Variants in ATP2A1 observed in about 807,000 individuals in gnomAD.
ATP2A1 encodes ATPase sarcoplasmic/endoplasmic reticulum Ca2+ transporting 1.
Under a neutral mutation model 109.5 loss-of-function variants are expected in ATP2A1, and 83 were observed. The observed-to-expected ratio is 0.76, with a 90% CI of 0.63 to 0.91. The LOEUF (loss-of-function observed/expected upper bound fraction) is 0.91. ATP2A1 is among the 40% of genes least tolerant of loss of function. The pLI is 0.00. For missense variants in ATP2A1, 1,101 were observed against 1,341.0 expected, an observed-to-expected ratio of 0.82 and a Z score of 2.80; for synonymous variants, 505 against 537.6, an observed-to-expected ratio of 0.94 and a Z score of 0.84.
intron 9 of ATP2A1, among the ~76,000 whole-genome samples, chr16:28,891,148 T>G (rs1963760406): frequency 1.3e-5 from 2 of 150,550 alleles, no homozygotes; most frequent in South Asian, 4.2e-4. Context: ...ATACAAAAAT[T>G]AGTTGGGCGT....
Position 28,903,635 on chromosome 16 carries a change from C to T in ATP2A1, c.2981-65C>T, listed in dbSNP as rs1275354810. 1.5e-6 allele frequency: 2 copies of T among 1,339,852 alleles called. No individual in the cohort carries two copies. The highest frequency in any genetic ancestry group is 4.6e-5 in the East Asian group (2 of 43,652). The allele number at this position is 1,339,852 out of a possible 1,614,324, so 83.0% of individuals were successfully genotyped here. A position where few individuals can be genotyped will look rare whatever the true frequency, so the allele number is the denominator to read the frequency against. On this transcript the variant is annotated intron_variant, in intron 21 of 22. Coordinates refer to ENST00000395503, the MANE Select transcript of ATP2A1 (RefSeq NM_004320.6). This position sits in a 1 kb window ranked among gnomAD's most constrained non-coding sequence, Gnocchi z 5.6. ...CCCACTGCCTCCTCAGCCCCCACAG[C>T]CCCTATAGCCCCCATGCCACCTCCC... is the stretch of plus-strand genomic sequence containing the variant.
In ATP2A1 at chr16:28,897,297, C is replaced by A. The variant is rs1596680917; in HGVS notation, c.1420-703C>A. Among the ~76,000 whole-genome samples, 4 of 152,064 alleles carry A rather than the reference C, an allele frequency of 2.6e-5. No homozygotes were observed. In the South Asian group the frequency reaches 8.3e-4, roughly 32 times the overall value. Reference sequence around the variant, plus strand: ...GATTGCTTGAGGCCACGAGTGAGACCAGGCTGGACAACACAGGGAGACTCT... The same window carrying A: ...GATTGCTTGAGGCCACGAGTGAGACAAGGCTGGACAACACAGGGAGACTCT... On this transcript the variant is annotated intron_variant, in intron 12 of 22. Transcript: ENST00000395503.
At chr16:28,889,296 G>A (rs768113950) in intron 9 of ATP2A1, among the ~76,000 whole-genome samples, 7 of 151,820 alleles carry the variant, frequency 4.6e-5, no homozygotes, top group African/African-American at 1.5e-4. Flanking sequence ...TCACTCTGTC[G>A]CCCAGGCTGG....
In ATP2A1 at chr16:28,880,140, T is replaced by C; in HGVS notation, c.219+557T>C. The C allele has an allele frequency of 1.0e-6, 1 of 996,810 alleles. No individual in the cohort carries two copies. The highest frequency in any genetic ancestry group is 1.2e-6 in the Non-Finnish European group (1 of 838,714). 61.7% of individuals were successfully genotyped at this position (996,810 alleles called of 1,614,324 possible). A position where few individuals can be genotyped will look rare whatever the true frequency, so the allele number is the denominator to read the frequency against. On this transcript the variant is annotated intron_variant, in intron 3 of 22. Transcript: ENST00000395503. The surrounding 1 kb of genome is among the most constrained non-coding windows in gnomAD (Gnocchi z 4.2). ...CCCTCATTACCCGCCCAGCCTGGCC[T>C]TAGCCCTTCCCCGCGCTCCCTAGGC...
At position 28,900,468 on chromosome 16, in the gene ATP2A1, C is replaced by T. The variant is rs374626158; in HGVS notation, c.1765-113C>T. The stretch of plus-strand genomic sequence containing the variant: ...GCAAGCCCAGGGTTCAGGCTTCCCA[C>T]CCCTCCCCACCACTTCCTGACCTTT... On this transcript the variant is annotated intron_variant, in intron 14 of 22. Transcript: ENST00000395503. 9.6e-5 allele frequency: 82 copies of T among 850,926 alleles called. 1 individual carries two copies. The African/African-American group carries it at 1.4e-3, about 14-fold the overall frequency. 52.7% of individuals were successfully genotyped at this position (850,926 alleles called of 1,614,324 possible).
chr16:28,878,835 AC>A, intron 1 of ATP2A1, 46 bp downstream of exon 1: 1 of 1,579,364 alleles, frequency 6.3e-7, no homozygotes, highest in Non-Finnish European at 8.7e-7. Flanking sequence ...GCCCTCCTGC[AC>A]CCCCAAAACA....
At position 28,895,765 on chromosome 16, in the gene ATP2A1, A is replaced by G. The variant is rs960344852; in HGVS notation, c.1419+812A>G. On this transcript the variant is annotated intron_variant, in intron 12 of 22. Transcript: ENST00000395503. Reference sequence around the variant, plus strand: ...CTGTACTCTAGCTACTAGGAAGGCTAAGGTGTGAGGACTGCTGGAGCCCAG... The same window carrying G: ...CTGTACTCTAGCTACTAGGAAGGCTGAGGTGTGAGGACTGCTGGAGCCCAG... Among the ~76,000 whole-genome samples, 11 of 152,016 alleles carry G rather than the reference A, an allele frequency of 7.2e-5. 1 individual carries two copies. Among genetic ancestry groups the G allele is most frequent in the Admixed American group, 3.3e-4 (5 of 15,244 alleles).
chr16:28,882,026 C>G (rs1015764653), intron 4 of ATP2A1, among the ~76,000 whole-genome samples: 2 of 151,356 alleles, frequency 1.3e-5, no homozygotes, highest in African/African-American at 4.9e-5. Context: ...CAATCTCTGC[C>G]TCCAGGTTCT....
rs746102754 is a variant in ATP2A1 at position 28,902,874 on chromosome 16, G to A, written c.2707G>A (p.Val903Met). The A allele has an allele frequency of 1.2e-5, 19 of 1,613,976 alleles. No individual in the cohort carries two copies. The highest frequency in any genetic ancestry group is 2.2e-5 in the South Asian group (2 of 91,080). ...CGAGCCCATGACCATGGCCCTGTCC[G>A]TGCTGGTGACCATCGAGATGTGCAA... ...APEPMTMALS[V>M]LVTIEMCNAL... Residue 903 changes from valine (V) to methionine (M), a missense_variant, in exon 19 of 23, where the codon GTG (valine) becomes ATG (methionine). Coordinates refer to ENST00000395503, the MANE Select transcript of ATP2A1 (RefSeq NM_004320.6). The surrounding 1 kb of genome is among the most constrained non-coding windows in gnomAD (Gnocchi z 4.8).
At chr16:28,884,500 A>G (rs1963566366) in intron 5 of ATP2A1, 75 bp from the exon 6 acceptor site, 3 of 1,389,640 alleles carry the variant, frequency 2.2e-6, no homozygotes, top group Admixed American at 1.7e-5. Flanking sequence ...CGAGTCAGAC[A>G]CAGATTGGGT....
chr16:28,900,312 A>G (rs1272975245), intron 14 of ATP2A1, among the ~76,000 whole-genome samples: 1 of 151,902 alleles, frequency 6.6e-6, no homozygotes, highest in East Asian at 1.9e-4. Context: ...CTGTCTCAAA[A>G]AAAAAAAGAT....
At chr16:28,888,675 G>T in intron 8 of ATP2A1, 112 bp from the exon 9 acceptor site, 1 of 1,314,974 alleles carries the variant, frequency 7.6e-7, no homozygotes, top group Non-Finnish European at 1.1e-6. Flanking sequence ...AAAGTGCTAG[G>T]ATTATAGGTG....
chr16:28,885,249 CAAAAAA>C (rs560935121), intron 6 of ATP2A1, among the ~76,000 whole-genome samples: 1 of 122,336 alleles, frequency 8.2e-6, no homozygotes, highest in Non-Finnish European at 1.7e-5. Flanking sequence ...GACCCCATCT[CAAAAAA>C]AAAAAAAAAA....
rs1964160098 is a variant in ATP2A1, at chr16:28,903,678, C to T, written c.2981-22C>T. The T allele has an allele frequency of 6.2e-7, 1 of 1,611,078 alleles. No individual in the cohort carries two copies. Among genetic ancestry groups the T allele is most frequent in the Non-Finnish European group, 8.5e-7 (1 of 1,177,370 alleles). On this transcript the variant is annotated intron_variant, in intron 21 of 22. Coordinates refer to ENST00000395503, the MANE Select transcript of ATP2A1 (RefSeq NM_004320.6). The surrounding 1 kb of genome is among the most constrained non-coding windows in gnomAD (Gnocchi z 5.6). ...CACCTCCCTGCCTTGATAACAGTGC[C>T]TCTTGTCCTCTCTGGCCATAGGATA...
chr16:28,893,418 G>T (rs28516019), intron 9 of ATP2A1, among the ~76,000 whole-genome samples: 1 of 16,216 alleles, frequency 6.2e-5, no homozygotes, highest in African/African-American at 3.6e-4. Context: ...AAAACAAAAA[G>T]AAAAAGAAAA....
Position 28,902,000 on chromosome 16 carries a change from T to C in ATP2A1, c.2238T>C (p.Ala746=), listed in dbSNP as rs143682258. ...ACAACTTCTCCACCATCGTAGCTGC[T>C]GTGGAGGAGGGCCGCGCCATCTACA... ...ADDNFSTIVA[A]VEEGRAIYNN... is the part of the protein sequence containing the mutation. Residue 746 remains alanine (A), a synonymous_variant, in exon 16 of 23, where the codon GCT becomes GCC. Coordinates refer to ENST00000395503, the MANE Select transcript of ATP2A1 (RefSeq NM_004320.6). The C allele has an allele frequency of 1.2e-6, 2 of 1,614,196 alleles. No individual in the cohort carries two copies. The highest frequency in any genetic ancestry group is 1.3e-5 in the African/African-American group (1 of 75,044).
chr16:28,894,618 C>T lies in ATP2A1; in HGVS notation c.1287+11C>T. 1.2e-6 allele frequency: 2 copies of T among 1,613,812 alleles called. No individual in the cohort carries two copies. The highest frequency in any genetic ancestry group is 1.7e-6 in the Non-Finnish European group (2 of 1,179,784). Reference sequence around the variant, plus strand: ...TTGGACTTCAACGAGGTAACCTCTCCTTCCCCTTCCAGTTGGCTCAGAGTC... The same window carrying T: ...TTGGACTTCAACGAGGTAACCTCTCTTTCCCCTTCCAGTTGGCTCAGAGTC... On this transcript the variant is annotated intron_variant, in intron 11 of 22. Coordinates refer to ENST00000395503, the MANE Select transcript of ATP2A1 (RefSeq NM_004320.6).
intron 5 of ATP2A1, 50 bp downstream of exon 5, chr16:28,882,639 C>A: frequency 6.2e-7 from 1 of 1,607,740 alleles, no homozygotes; most frequent in East Asian, 2.2e-5. Flanking sequence ...GGGGCTGAGG[C>A]CTAGGAGATG....
intron 5 of ATP2A1, among the ~76,000 whole-genome samples, 185 bp from the exon 6 acceptor site, chr16:28,884,390 G>A (rs1200485469): frequency 6.6e-6 from 1 of 152,164 alleles, no homozygotes; most frequent in Non-Finnish European, 1.5e-5. Flanking sequence ...CAGAAGGGAT[G>A]GGTGTCACGA....
Sources: gnomAD v4.1 joint callset for allele counts (sites outside exome capture counted in the v4.1 genomes callset) on GRCh38, gnomAD v4.1.1 for gene constraint, Gnocchi (gnomAD v3.1) non-coding constraint, MANE v1.5 for transcripts, NCBI Gene and HGNC (gene_info 2026-07-23, HGNC 2026-07-21) for gene names.